EBF1: variants seen among roughly 807,000 people sequenced by gnomAD.
EBF1 encodes transcription factor COE1.
A neutral mutation model predicts 68.4 loss-of-function variants in EBF1; 10 were observed. That is an observed-to-expected ratio of 0.15 (90% CI 0.09 to 0.25). The LOEUF (loss-of-function observed/expected upper bound fraction) is 0.25, where lower values mean the gene tolerates loss of function less well. EBF1 is among the 10% of genes least tolerant of loss of function. EBF1 has a pLI of 1.00. For missense variants in EBF1, 509 were observed against 794.4 expected, an observed-to-expected ratio of 0.64 and a Z score of 4.32; for synonymous variants, 298 against 299.8, an observed-to-expected ratio of 0.99 and a Z score of 0.06.
chr5:158,726,508 T>TCC (rs1763015261), intron 11 of EBF1, among the ~76,000 whole-genome samples: 1 of 152,192 alleles, frequency 6.6e-6, no homozygotes. Context: ...TAATGTGTAT[T>TCC]TATTACTCCC....
At chr5:158,782,644 G>C (rs1776658383) in intron 9 of EBF1, among the ~76,000 whole-genome samples, 1 of 151,988 alleles carries the variant, frequency 6.6e-6, no homozygotes, top group African/African-American at 2.4e-5. Flanking sequence ...CTGGGCAACA[G>C]AGCAAGACTG....
chr5:158,882,371 A>T (rs1799057759), intron 6 of EBF1, among the ~76,000 whole-genome samples: 1 of 152,200 alleles, frequency 6.6e-6, no homozygotes, highest in Admixed American at 6.5e-5. Flanking sequence ...TGTCACAGGA[A>T]AAATGAGTGT....
intron 6 of EBF1, among the ~76,000 whole-genome samples, chr5:158,920,836 T>C (rs1305435679): frequency 6.6e-6 from 1 of 152,188 alleles, no homozygotes; most frequent in East Asian, 1.9e-4. Flanking sequence ...GGCACCAGCG[T>C]GACTCCCTGA....
intron 7 of EBF1, among the ~76,000 whole-genome samples, chr5:158,824,373 A>C (rs895157341): frequency 6.6e-6 from 1 of 152,176 alleles, no homozygotes; most frequent in Non-Finnish European, 1.5e-5. Flanking sequence ...TCTTTGATTG[A>C]TCACCGATAG....
chr5:158,701,205 G>A lies in EBF1; in HGVS notation c.1745-2063C>T, dbSNP rs79682932. On this transcript the variant is annotated intron_variant, in intron 15 of 15. Coordinates refer to ENST00000313708, the MANE Select transcript of EBF1 (RefSeq NM_024007.5). ...CGCTTTCCACCAAAATCTATTCTGC[G>A]TGCCTGGCATTAAAGAGCAGTTCCC... Among the ~76,000 whole-genome samples the A allele has an allele frequency of 3.9e-3, 594 of 152,180 alleles. 30 individuals carry two copies. In the East Asian group the frequency reaches 0.1, roughly 27 times the overall value.
At chr5:159,034,796 C>G (rs1474209164) in intron 6 of EBF1, among the ~76,000 whole-genome samples, 1 of 152,068 alleles carries the variant, frequency 6.6e-6, no homozygotes, top group African/African-American at 2.4e-5. Context: ...TTCAATCCAC[C>G]CTGAGACTCA....
intron 10 of EBF1, among the ~76,000 whole-genome samples, chr5:158,749,771 A>G (rs1319653195): frequency 1.3e-5 from 2 of 152,078 alleles, no homozygotes; most frequent in Non-Finnish European, 2.9e-5. Context: ...TGGCTGTTGG[A>G]TTTAGCATAT....
intron 6 of EBF1, among the ~76,000 whole-genome samples, chr5:158,909,956 T>TACAAAAAAAA (rs1805560017): frequency 2.1e-5 from 1 of 46,730 alleles, no homozygotes; most frequent in African/African-American, 7.3e-5. Context: ...ACTCTGTCTA[T>TACAAAAAAAA]AAAAAAAAAA....
intron 10 of EBF1, among the ~76,000 whole-genome samples, chr5:158,762,278 G>A (rs1771639203): frequency 6.6e-6 from 1 of 152,136 alleles, no homozygotes; most frequent in African/African-American, 2.4e-5. Flanking sequence ...TTATATTAGA[G>A]ATTAAATTAG....
At position 158,712,941 on chromosome 5, in the gene EBF1, G is replaced by A. The variant is rs374393937; in HGVS notation, c.1369+29C>T. ...TGAGGAGATGGGGTGCTTAAGGTTGGGGAGGGAAGAGAAAAGCAAGCTTCT... is the reference window on the plus strand; with the variant it reads ...TGAGGAGATGGGGTGCTTAAGGTTGAGGAGGGAAGAGAAAAGCAAGCTTCT... On this transcript the variant is annotated intron_variant, in intron 13 of 15. Coordinates refer to ENST00000313708, the MANE Select transcript of EBF1 (RefSeq NM_024007.5). 4.8e-5 allele frequency: 67 copies of A among 1,404,646 alleles called. No homozygotes were observed. The African/African-American group carries it at 8.3e-4, about 17-fold the overall frequency. The allele number at this position is 1,404,646 out of a possible 1,614,324, so 87.0% of individuals were successfully genotyped here.
chr5:158,858,502 A>C (rs527584976), intron 6 of EBF1, among the ~76,000 whole-genome samples: 1 of 152,200 alleles, frequency 6.6e-6, no homozygotes, highest in Non-Finnish European at 1.5e-5. Context: ...TTGAAGCAGC[A>C]AAGTATAAAG....
At chr5:158,993,105 A>G (rs1760715928) in intron 6 of EBF1, among the ~76,000 whole-genome samples, 1 of 148,268 alleles carries the variant, frequency 6.7e-6, no homozygotes, top group Non-Finnish European at 1.5e-5. Flanking sequence ...ATTTTTTTGT[A>G]TTTTAGTAGA....
At chr5:158,936,285 A>G (rs906990477) in intron 6 of EBF1, among the ~76,000 whole-genome samples, 1 of 152,220 alleles carries the variant, frequency 6.6e-6, no homozygotes, top group Non-Finnish European at 1.5e-5. Flanking sequence ...CCACATATAT[A>G]TAGCAGAGAG....
At chr5:158,853,347 C>T (rs1229330862) in intron 6 of EBF1, among the ~76,000 whole-genome samples, 1 of 152,134 alleles carries the variant, frequency 6.6e-6, no homozygotes, top group Non-Finnish European at 1.5e-5. Context: ...CCAAGTCAAG[C>T]CAATCAGGCT....
At chr5:158,743,903 G>C (rs571314702) in intron 10 of EBF1, among the ~76,000 whole-genome samples, 170 of 152,288 alleles carry the variant, frequency 1.1e-3, no homozygotes, top group African/African-American at 3.9e-3. Flanking sequence ...GGGCACGGTG[G>C]CTCATGCCTG....
At chr5:158,736,926 G>C (rs1765300678) in intron 10 of EBF1, among the ~76,000 whole-genome samples, 1 of 152,194 alleles carries the variant, frequency 6.6e-6, no homozygotes. Flanking sequence ...GAAATTTGTT[G>C]CATTTCCAGC....
At chr5:159,064,139 T>C (rs780949038) in intron 6 of EBF1, among the ~76,000 whole-genome samples, 2 of 152,306 alleles carry the variant, frequency 1.3e-5, no homozygotes, top group Middle Eastern at 3.4e-3. Flanking sequence ...GTGTCACATA[T>C]GTATATATGC....
chr5:158,935,177 C>G (rs1421720080), intron 6 of EBF1, among the ~76,000 whole-genome samples: 1 of 152,210 alleles, frequency 6.6e-6, no homozygotes. Flanking sequence ...CTTCATCCAG[C>G]TCCCCGCCCC....
intron 15 of EBF1, among the ~76,000 whole-genome samples, chr5:158,706,913 C>A (rs1235947154): frequency 6.6e-6 from 1 of 152,110 alleles, no homozygotes; most frequent in East Asian, 1.9e-4. Flanking sequence ...ATAGGACAGC[C>A]CCAGGTACAC....
Sources: gnomAD v4.1 joint callset for allele counts (sites outside exome capture counted in the v4.1 genomes callset) on GRCh38, gnomAD v4.1.1 for gene constraint, MANE v1.5 for transcripts, NCBI Gene and HGNC (gene_info 2026-07-23, HGNC 2026-07-21) for gene names.